Variants in GABRG3 observed in about 807,000 individuals in gnomAD.
GABRG3 encodes the protein gamma-aminobutyric acid type A receptor subunit gamma3, also known as gamma-aminobutyric acid receptor subunit gamma-3.
GABRG3 carries 25 observed loss-of-function variants against 48.8 expected under a neutral mutation model. The observed-to-expected ratio is 0.51, with a 90% CI of 0.37 to 0.72. GABRG3 has a LOEUF of 0.72. Ranked by LOEUF, GABRG3 falls within the 30% of genes least tolerant of loss-of-function variation. GABRG3 has a pLI of 0.00. For missense variants in GABRG3, 394 were observed against 577.9 expected (o/e 0.68, Z 3.26); for synonymous variants, 227 against 217.6 (o/e 1.04, Z -0.38).
At chr15:27,306,664 GTTTATATATAAACATATATATGAACATGT>G (rs1892497117) in intron 3 of GABRG3, among the ~76,000 whole-genome samples, 3 of 60,968 alleles carry the variant, frequency 4.9e-5, no homozygotes, top group Non-Finnish European at 1.1e-4. Context: ...ATATGAACAT[GTTTATATATAAACATATATATGAACATGT>G]TTATATATAA....
At position 27,039,010 on chromosome 15, in the gene GABRG3, CAA is replaced by C. The variant is rs369656589; in HGVS notation, c.270+12194_270+12195del. 6.9e-3 allele frequency among the ~76,000 whole-genome samples: 1,054 copies of C among 152,080 alleles called. 10 individuals are homozygous for C. The highest frequency in any genetic ancestry group is 0.024 in the African/African-American group (1,007 of 41,500). On this transcript the variant is annotated intron_variant, in intron 3 of 9. Coordinates refer to ENST00000615808, the MANE Select transcript of GABRG3 (RefSeq NM_033223.5). ...TGGCACATTTTATTCAGGACTATTGCAAAAAAGACTCCAGTGAAGAGCTGGGT... is the reference window on the plus strand; with the variant it reads ...TGGCACATTTTATTCAGGACTATTGCAAAAGACTCCAGTGAAGAGCTGGGT...
intron 3 of GABRG3, among the ~76,000 whole-genome samples, chr15:27,322,285 G>A (rs1227195357): frequency 3.9e-5 from 6 of 152,274 alleles, no homozygotes; most frequent in South Asian, 2.1e-4. Flanking sequence ...ATTTCAGAAC[G>A]AAGAAGAGCT....
At chr15:26,978,096 CT>C (rs2140635457) in intron 2 of GABRG3, among the ~76,000 whole-genome samples, 1 of 152,220 alleles carries the variant, frequency 6.6e-6, no homozygotes, top group African/African-American at 2.4e-5. Context: ...ATACTGAACT[CT>C]TCTTTTATTT....
chr15:27,078,643 G>T (rs775546006), intron 3 of GABRG3, among the ~76,000 whole-genome samples: 2 of 152,146 alleles, frequency 1.3e-5, no homozygotes, highest in African/African-American at 2.4e-5. Context: ...TCACCGCCCA[G>T]GGGCTCCTCG....
intron 5 of GABRG3, among the ~76,000 whole-genome samples, chr15:27,413,942 GTC>G (rs1887870305): frequency 6.6e-6 from 1 of 152,126 alleles, no homozygotes; most frequent in South Asian, 2.1e-4. Flanking sequence ...CATCTGTTAG[GTC>G]TCTGATTTAT....
chr15:27,366,310 G>T (rs1180910170), intron 5 of GABRG3: 1 of 152,202 alleles, frequency 6.6e-6, no homozygotes, highest in African/African-American at 2.4e-5. Flanking sequence ...GCTCTTTCCT[G>T]CATCATATGG....
chr15:27,487,380 C>T (rs555615480), intron 6 of GABRG3, among the ~76,000 whole-genome samples: 3 of 152,268 alleles, frequency 2.0e-5, no homozygotes, highest in African/African-American at 4.8e-5. Context: ...ATTTGGCTCT[C>T]GCTCTATACT....
chr15:27,174,584 G>GTC (rs150022606), intron 3 of GABRG3, among the ~76,000 whole-genome samples: 11,852 of 139,590 alleles, frequency 0.085, 704 homozygotes, highest in African/African-American at 0.18. Context: ...TCTCTCTCTC[G>GTC]TCTCTCTCTC....
chr15:27,433,670 C>G (rs968756337), intron 5 of GABRG3, among the ~76,000 whole-genome samples: 2 of 152,102 alleles, frequency 1.3e-5, no homozygotes. Context: ...GAGTTTAGGG[C>G]TAGTATTGTA....
Position 27,532,701 on chromosome 15 carries a change from T to A in GABRG3, c.1224T>A (p.Cys408Ter). 6.2e-7 allele frequency: 1 copy of A among 1,614,000 alleles called. No homozygotes were observed. Among genetic ancestry groups the A allele is most frequent in the Non-Finnish European group, 8.5e-7 (1 of 1,179,888 alleles). ...QEFEDTCVYE[C>*]LDGKDCQSFF... ...TTGAAGATACCTGTGTCTATGAGTGTCTGGATGGCAAAGACTGTCAGAGCT... is the reference window on the plus strand; with the variant it reads ...TTGAAGATACCTGTGTCTATGAGTGACTGGATGGCAAAGACTGTCAGAGCT... Residue 408 changes from cysteine (C) to a stop codon, truncating the protein, a stop_gained, in exon 10 of 10, where the codon TGT (cysteine) becomes TGA (stop). Transcript: ENST00000615808. LOFTEE classifies it high-confidence loss of function.
At chr15:27,218,875 T>C (rs2045151) in intron 3 of GABRG3, among the ~76,000 whole-genome samples, 28,549 of 152,098 alleles carry the variant, frequency 0.19, 5,113 homozygotes, top group African/African-American at 0.48. Flanking sequence ...CTGCATCCAT[T>C]CACATTCACA....
intron 3 of GABRG3, among the ~76,000 whole-genome samples, chr15:27,090,888 A>G (rs73371609): frequency 0.012 from 1,830 of 152,248 alleles, 28 homozygotes; most frequent in African/African-American, 0.041. Context: ...GAGTTTGTCT[A>G]TTAGCTCTAA....
chr15:27,263,429 G>A (rs1333494048), intron 3 of GABRG3, among the ~76,000 whole-genome samples: 1 of 152,064 alleles, frequency 6.6e-6, no homozygotes. Flanking sequence ...ACTGATACTA[G>A]GATATTTCCC....
At chr15:27,036,850 C>G (rs7173657) in intron 3 of GABRG3, among the ~76,000 whole-genome samples, 101,191 of 151,664 alleles carry the variant, frequency 0.67, 33,783 homozygotes, top group East Asian at 0.73. Flanking sequence ...AAAAGGTATA[C>G]GTTGAGTCTC....
chr15:27,480,796 T>G lies in GABRG3; in HGVS notation c.712+9T>G, dbSNP rs1890083286. ...CGTGACAACGTCTGCAGGTAGGAAT[T>G]TACTGAAAGAGGCACAGCTCTCAAA... is the stretch of plus-strand genomic sequence containing the variant. On this transcript the variant is annotated intron_variant, in intron 6 of 9. Transcript: ENST00000615808. 1 of 1,613,180 alleles carries G rather than the reference T, an allele frequency of 6.2e-7. No individual in the cohort carries two copies. Among genetic ancestry groups the G allele is most frequent in the Non-Finnish European group, 8.5e-7 (1 of 1,179,690 alleles).
intron 3 of GABRG3, among the ~76,000 whole-genome samples, chr15:27,044,534 T>G (rs1273316307): frequency 6.6e-6 from 1 of 152,168 alleles, no homozygotes; most frequent in Non-Finnish European, 1.5e-5. Context: ...GATAAAATAT[T>G]TGCATGAATG....
At chr15:27,232,382 G>A (rs919015545) in intron 3 of GABRG3, among the ~76,000 whole-genome samples, 3 of 152,190 alleles carry the variant, frequency 2.0e-5, no homozygotes, top group African/African-American at 7.2e-5. Flanking sequence ...CTGCAGTCAA[G>A]GTGAGTGTGG....
At chr15:27,404,472 G>T (rs557580242) in intron 5 of GABRG3, among the ~76,000 whole-genome samples, 5 of 152,120 alleles carry the variant, frequency 3.3e-5, no homozygotes, top group African/African-American at 1.2e-4. Flanking sequence ...ATACGTGGGC[G>T]TCAACCAGAT....
rs1891627200 is a variant in GABRG3 at position 27,539,839 on chromosome 15, A to C, written c.*6958A>C. 1 of 152,230 alleles carries C rather than the reference A, an allele frequency of 6.6e-6. No homozygotes were observed. 9.4% of individuals were successfully genotyped at this position (152,230 alleles called of 1,614,324 possible). On this transcript the variant is annotated 3_prime_UTR_variant, in exon 10 of 10. Coordinates refer to ENST00000615808, the MANE Select transcript of GABRG3 (RefSeq NM_033223.5). ...AAAATGTTGCATTCTTAAGCAATTA[A>C]AGACTCCTTCCAATGTAATTAAAAA...
Sources: gnomAD v4.1 joint callset for allele counts (sites outside exome capture counted in the v4.1 genomes callset) on GRCh38, gnomAD v4.1.1 for gene constraint, MANE v1.5 for transcripts, NCBI Gene and HGNC (gene_info 2026-07-23, HGNC 2026-07-21) for gene names.